Variants in CYTH4 observed in about 807,000 individuals in gnomAD.
CYTH4 encodes the protein cytohesin 4, also known as cytohesin-4.
Under a neutral mutation model 57.5 loss-of-function variants are expected in CYTH4, and 22 were observed. That is an observed-to-expected ratio of 0.38 (90% CI 0.27 to 0.55). The LOEUF is 0.55. Ranked by LOEUF, CYTH4 falls within the 20% of genes least tolerant of loss-of-function variation. CYTH4 has a pLI of 0.74. For missense variants in CYTH4, 420 were observed against 535.6 expected, an observed-to-expected ratio of 0.78 and a Z score of 2.13; for synonymous variants, 186 against 206.5, an observed-to-expected ratio of 0.90 and a Z score of 0.85.
rs917685879 is a variant in CYTH4, at chr22:37,311,357, G to A, written c.886-99G>A. On this transcript the variant is annotated intron_variant, in intron 10 of 12. Coordinates refer to ENST00000248901, the MANE Select transcript of CYTH4 (RefSeq NM_013385.5). This position sits in a 1 kb window ranked among gnomAD's most constrained non-coding sequence, Gnocchi z 4.4. ...CTGGACAGTCTCGGAAGATGAGCAC[G>A]CTCCTCTTTGAGTTTGGGGAACCCC... The A allele has an allele frequency of 1.9e-5, 20 of 1,064,168 alleles. No individual in the cohort carries two copies. The highest frequency in any genetic ancestry group is 2.0e-4 in the Middle Eastern group (1 of 4,950). 65.9% of individuals were successfully genotyped at this position (1,064,168 alleles called of 1,614,324 possible). A position where few individuals can be genotyped will look rare whatever the true frequency, so the allele number is the denominator to read the frequency against.
At position 37,299,245 on chromosome 22, in the gene CYTH4, G is replaced by T; in HGVS notation, c.373G>T (p.Val125Phe). 6.2e-7 allele frequency: 1 copy of T among 1,614,056 alleles called. No homozygotes were observed. Reference protein sequence around the residue: ...LGERDPINLQVLQAFVDCHEF... With the variant: ...LGERDPINLQFLQAFVDCHEF... ...CCCCAGGGATCCCATCAACCTGCAGGTCCTCCAGGCCTTCGTGGACTGCCA... is the reference window on the plus strand; with the variant it reads ...CCCCAGGGATCCCATCAACCTGCAGTTCCTCCAGGCCTTCGTGGACTGCCA... The change falls in exon 6 of 13, where the codon GTC (valine) becomes TTC (phenylalanine). Residue 125 changes from valine (V) to phenylalanine (F), a missense_variant. Physicochemically the swap from Val to Phe is conservative, Grantham distance 50 (BLOSUM62 -1). Coordinates refer to ENST00000248901, the MANE Select transcript of CYTH4 (RefSeq NM_013385.5).
At chr22:37,308,814 ATG>A (rs1156831285) in intron 8 of CYTH4, among the ~76,000 whole-genome samples, 8 of 151,630 alleles carry the variant, frequency 5.3e-5, no homozygotes, top group Non-Finnish European at 1.2e-4. Context: ...GTGTGCATGT[ATG>A]TGTGAGCATG....
chr22:37,309,769 A>C (rs1332105656), intron 9 of CYTH4, among the ~76,000 whole-genome samples: 1 of 152,190 alleles, frequency 6.6e-6, no homozygotes, highest in Non-Finnish European at 1.5e-5. Flanking sequence ...GGCAGATTTG[A>C]GGGCACAGAG....
In CYTH4 at chr22:37,282,606, AC is replaced by A. The variant is rs1263552070; in HGVS notation, c.19+20del. On this transcript the variant is annotated intron_variant, in intron 1 of 12. Coordinates refer to ENST00000248901, the MANE Select transcript of CYTH4 (RefSeq NM_013385.5). ...CCACCCAGGTAAGCAACTGCCGTCA[AC>A]CTCTCTGGGCCTCAGGGTGCTCTCT... 1 of 1,605,154 alleles carries A rather than the reference AC, an allele frequency of 6.2e-7. No individual in the cohort carries two copies. Among genetic ancestry groups the A allele is most frequent in the South Asian group, 1.1e-5 (1 of 89,964 alleles).
chr22:37,302,976 G>T (rs1393451001), intron 7 of CYTH4, among the ~76,000 whole-genome samples: 1 of 152,150 alleles, frequency 6.6e-6, no homozygotes, highest in African/African-American at 2.4e-5. Flanking sequence ...GATTGAAGCG[G>T]AGAGGAGGGA....
chr22:37,286,263 G>GC (rs1928557492), intron 1 of CYTH4, among the ~76,000 whole-genome samples: 2 of 152,204 alleles, frequency 1.3e-5, no homozygotes, highest in Non-Finnish European at 2.9e-5. Flanking sequence ...AAGCCTCCGA[G>GC]CCCCAGATGG....
intron 8 of CYTH4, among the ~76,000 whole-genome samples, chr22:37,304,931 C>T (rs1014805044): frequency 2.0e-5 from 3 of 152,186 alleles, no homozygotes; most frequent in Non-Finnish European, 4.4e-5. Flanking sequence ...CTGCCTCCTG[C>T]GTGGCTCCCC....
chr22:37,312,179 G>C lies in CYTH4; in HGVS notation c.1112+5G>C. 6.2e-7 allele frequency: 1 copy of C among 1,612,688 alleles called. No individual in the cohort carries two copies. Among genetic ancestry groups the C allele is most frequent in the Non-Finnish European group, 8.5e-7 (1 of 1,178,746 alleles). On this transcript the variant is annotated splice_donor_5th_base_variant and intron_variant, in intron 12 of 12. Coordinates refer to ENST00000248901, the MANE Select transcript of CYTH4 (RefSeq NM_013385.5). Reference sequence around the variant, plus strand: ...CCAGTGGATCGAGTCCATCCGGTAAGGGGTGCCCAGGTCTGGGGACGGCTT... The same window carrying C: ...CCAGTGGATCGAGTCCATCCGGTAACGGGTGCCCAGGTCTGGGGACGGCTT...
chr22:37,300,214 A>G (rs1929129779), intron 6 of CYTH4: 1 of 717,286 alleles, frequency 1.4e-6, no homozygotes, highest in African/African-American at 1.7e-5. Context: ...CAATACAGAG[A>G]AGGAAGAAGC....
intron 1 of CYTH4, among the ~76,000 whole-genome samples, chr22:37,289,690 G>C (rs1324706182): frequency 1.3e-5 from 2 of 152,182 alleles, no homozygotes; most frequent in Non-Finnish European, 2.9e-5. Context: ...TTACTATTGG[G>C]CTCGCTTGAC....
At chr22:37,296,264 T>G in intron 4 of CYTH4, 199 bp downstream of exon 4, 1 of 610,384 alleles carries the variant, frequency 1.6e-6, no homozygotes, top group East Asian at 2.9e-5. Context: ...ATACACGCCT[T>G]GGGGCAGGAG....
intron 4 of CYTH4, 21 bp from the exon 5 acceptor site, chr22:37,297,543 G>A: frequency 6.2e-7 from 1 of 1,608,672 alleles, no homozygotes; most frequent in Non-Finnish European, 8.5e-7. Context: ...GCTGCTCACG[G>A]CTTCTGTGTA....
intron 9 of CYTH4, 73 bp from the exon 10 acceptor site, chr22:37,310,915 C>T: frequency 6.5e-7 from 1 of 1,538,084 alleles, no homozygotes; most frequent in Non-Finnish European, 9.0e-7. Flanking sequence ...ATCCGAGGAC[C>T]TGCCCTTCCC....
chr22:37,302,832 T>TG (rs1368904528), intron 7 of CYTH4, among the ~76,000 whole-genome samples: 37 of 152,134 alleles, frequency 2.4e-4, no homozygotes, highest in African/African-American at 8.9e-4. Flanking sequence ...AGAGCAGCAG[T>TG]GGCTCAGCCC....
At position 37,312,420 on chromosome 22, in the gene CYTH4, T is replaced by G. The variant is rs56184985; in HGVS notation, c.1112+246T>G. 0.042 allele frequency among the ~76,000 whole-genome samples: 6,325 copies of G among 151,852 alleles called. 149 individuals are homozygous for G. Among genetic ancestry groups the G allele is most frequent in the Non-Finnish European group, 0.058 (3,949 of 67,918 alleles). ...GTTGGTGGGAGAATAGAGCAAAGAGTTGCACATAAAGTTCTTGCCCCGCCC... is the reference window on the plus strand; with the variant it reads ...GTTGGTGGGAGAATAGAGCAAAGAGGTGCACATAAAGTTCTTGCCCCGCCC... On this transcript the variant is annotated intron_variant, in intron 12 of 12. Coordinates refer to ENST00000248901, the MANE Select transcript of CYTH4 (RefSeq NM_013385.5).
intron 1 of CYTH4, among the ~76,000 whole-genome samples, chr22:37,287,516 G>GGTGATT (rs1261008491): frequency 4.6e-5 from 7 of 152,348 alleles, no homozygotes; most frequent in African/African-American, 1.7e-4. Flanking sequence ...GGCAACCCAA[G>GGTGATT]GTGATTGGTT....
chr22:37,314,121 T>A lies in CYTH4; in HGVS notation c.*610T>A, dbSNP rs574249524. The A allele has an allele frequency of 1.6e-5, 6 of 368,210 alleles. No homozygotes were observed. In the Admixed American group the frequency reaches 1.8e-4, roughly 11 times the overall value. 22.8% of individuals were successfully genotyped at this position (368,210 alleles called of 1,614,324 possible). ...CCACGAGCTCAGTCCCAGCTCTGCC[T>A]CTGACTCGCTGTGTGCCCTCTGCCA... On this transcript the variant is annotated 3_prime_UTR_variant, in exon 13 of 13. Transcript: ENST00000248901.
intron 1 of CYTH4, among the ~76,000 whole-genome samples, chr22:37,286,571 T>A (rs990576724): frequency 1.4e-4 from 22 of 151,966 alleles, no homozygotes; most frequent in Admixed American, 3.3e-4. Context: ...CAGGGATGGC[T>A]CCTAGATGGA....
At chr22:37,310,863 G>T (rs1024001506) in intron 9 of CYTH4, 125 bp from the exon 10 acceptor site, 11 of 916,658 alleles carry the variant, frequency 1.2e-5, no homozygotes, top group African/African-American at 1.6e-5. Context: ...GAGGTGTGGT[G>T]GACGAAGTTT....
Sources: gnomAD v4.1 joint callset for allele counts (sites outside exome capture counted in the v4.1 genomes callset) on GRCh38, gnomAD v4.1.1 for gene constraint, Gnocchi (gnomAD v3.1) non-coding constraint, MANE v1.5 for transcripts, NCBI Gene and HGNC (gene_info 2026-07-23, HGNC 2026-07-21) for gene names.